ARHGAP32: variants seen among roughly 807,000 people sequenced by gnomAD.
The protein encoded by ARHGAP32 is Rho GTPase activating protein 32.
ARHGAP32 carries 51 observed loss-of-function variants against 186.5 expected under a neutral mutation model. The ratio of observed to expected loss-of-function variants is 0.27; its 90% CI spans 0.22 to 0.35. ARHGAP32 has a LOEUF of 0.35. ARHGAP32 is among the 10% of genes least tolerant of loss of function. The pLI is 1.00. For synonymous variants in ARHGAP32, 950 were observed against 964.3 expected, an observed-to-expected ratio of 0.99 and a Z score of 0.27; for missense variants, 2,186 against 2,623.5, an observed-to-expected ratio of 0.83 and a Z score of 3.64.
At chr11:129,033,129 C>A (rs1294534003) in intron 11 of ARHGAP32, among the ~76,000 whole-genome samples, 1 of 152,192 alleles carries the variant, frequency 6.6e-6, no homozygotes, top group Admixed American at 6.5e-5. Flanking sequence ...TTCATTTTTA[C>A]TGGTGTAGGG....
chr11:129,098,839 G>A (rs1443796958), intron 5 of ARHGAP32, among the ~76,000 whole-genome samples: 1 of 152,114 alleles, frequency 6.6e-6, no homozygotes, highest in Non-Finnish European at 1.5e-5. Context: ...GGAGACCATG[G>A]AGCTATTACA....
intron 2 of ARHGAP32, among the ~76,000 whole-genome samples, chr11:129,158,471 G>T (rs749847088): frequency 2.7e-5 from 4 of 146,434 alleles, no homozygotes; most frequent in African/African-American, 5.0e-5. Context: ...GATCAAAAAA[G>T]ACAAGAGCTA....
intron 5 of ARHGAP32, among the ~76,000 whole-genome samples, chr11:129,099,070 T>C (rs1440803664): frequency 6.6e-6 from 1 of 152,124 alleles, no homozygotes; most frequent in Admixed American, 6.5e-5. Flanking sequence ...AAAAAAGCTA[T>C]AAGATATAAA....
chr11:129,179,711 G>T (rs912469558), intron 1 of ARHGAP32, among the ~76,000 whole-genome samples: 1 of 150,818 alleles, frequency 6.6e-6, no homozygotes, highest in African/African-American at 2.4e-5. Context: ...ACCAAACACC[G>T]CACATTCTCA....
chr11:129,210,373 T>A lies in ARHGAP32; in HGVS notation c.-4-45946A>T, dbSNP rs1049337417. 2.6e-5 allele frequency among the ~76,000 whole-genome samples: 4 copies of A among 152,316 alleles called. No homozygotes were observed. The South Asian group carries it at 8.3e-4, about 32-fold the overall frequency. Reference sequence around the variant, plus strand: ...TTTTCACACTGTATTTCACTTTAATTCTGATAACCAGAAGAACCTAGTGAT... The same window carrying A: ...TTTTCACACTGTATTTCACTTTAATACTGATAACCAGAAGAACCTAGTGAT... On this transcript the variant is annotated intron_variant, in intron 1 of 6. Coordinates refer to the ARHGAP32 transcript ENST00000525234.
chr11:129,253,821 G>A (rs1216778054), intron 1 of ARHGAP32, among the ~76,000 whole-genome samples: 1 of 152,038 alleles, frequency 6.6e-6, no homozygotes, highest in Non-Finnish European at 1.5e-5. Flanking sequence ...ATAAAGGTCT[G>A]TTCAACAAAT....
chr11:129,240,445 T>C (rs1230758955), intron 1 of ARHGAP32, among the ~76,000 whole-genome samples: 1 of 152,166 alleles, frequency 6.6e-6, no homozygotes. Flanking sequence ...CAGCCTTCAG[T>C]AGGCCCATCT....
At chr11:129,208,595 T>A (rs1944544035) in intron 1 of ARHGAP32, among the ~76,000 whole-genome samples, 1 of 151,602 alleles carries the variant, frequency 6.6e-6, no homozygotes, top group Non-Finnish European at 1.5e-5. Context: ...AGACAATTAA[T>A]CATGCATTGC....
intron 18 of ARHGAP32, among the ~76,000 whole-genome samples, chr11:128,979,966 T>C (rs1024770394): frequency 6.6e-6 from 1 of 152,216 alleles, no homozygotes; most frequent in African/African-American, 2.4e-5. Flanking sequence ...TCTCAAGTCC[T>C]AGCAGACATC....
intron 11 of ARHGAP32, among the ~76,000 whole-genome samples, chr11:129,025,835 ATTATT>A (rs1938816809): frequency 4.0e-5 from 6 of 148,444 alleles, no homozygotes; most frequent in East Asian, 3.9e-4. Flanking sequence ...GTTAATATAT[ATTATT>A]TTATCATATT....
At chr11:128,977,198 A>G (rs1185222100) in intron 19 of ARHGAP32, among the ~76,000 whole-genome samples, 3 of 152,194 alleles carry the variant, frequency 2.0e-5, no homozygotes, top group African/African-American at 4.8e-5. Context: ...TAGAACCATG[A>G]GGGAAAAAAA....
chr11:128,978,902 T>G lies in ARHGAP32; in HGVS notation c.1990A>C (p.Asn664His), dbSNP rs1945629359. 1 of 1,605,594 alleles carries G rather than the reference T, an allele frequency of 6.2e-7. No homozygotes were observed. ...EFPLERKRPQ[N>H]KMKKSPVGSW... Reference sequence around the variant, plus strand: ...CCCACAGGAGACTTTTTCATCTTATTTTGAGGCCTCTTTCTATGAAAGAGA... The same window carrying G: ...CCCACAGGAGACTTTTTCATCTTATGTTGAGGCCTCTTTCTATGAAAGAGA... The change falls in exon 19 of 23, where the codon AAT becomes CAT. Residue 664 changes from asparagine to histidine, a missense_variant. Coordinates refer to ENST00000682385, the MANE Select transcript of ARHGAP32 (RefSeq NM_001378024.1).
At chr11:129,037,172 G>T (rs1939378542) in intron 11 of ARHGAP32, among the ~76,000 whole-genome samples, 1 of 152,144 alleles carries the variant, frequency 6.6e-6, no homozygotes, top group South Asian at 2.1e-4. Context: ...CTTATACTCT[G>T]AAAACTACAA....
In ARHGAP32 at chr11:129,161,575, A is replaced by T. The variant is rs186050257; in HGVS notation, c.225+2744T>A. The stretch of plus-strand genomic sequence containing the variant: ...CTCATCAATACTAGTCATCAGAGAC[A>T]TGCAAATCAAAACCACAATGAGATA... On this transcript the variant is annotated intron_variant, in intron 2 of 22. Coordinates refer to ENST00000682385, the MANE Select transcript of ARHGAP32 (RefSeq NM_001378024.1). Among the ~76,000 whole-genome samples the T allele has an allele frequency of 7.9e-5, 12 of 152,372 alleles. No homozygotes were observed. In the East Asian group the frequency reaches 2.3e-3, roughly 29 times the overall value.
At chr11:128,973,520 TAAA>T in intron 21 of ARHGAP32, 88 bp from the exon 22 acceptor site, 1 of 1,404,374 alleles carries the variant, frequency 7.1e-7, no homozygotes, top group Non-Finnish European at 9.7e-7. Context: ...ATGTGATCAT[TAAA>T]AAATAGGTGC....
At chr11:129,243,484 G>A (rs1188565919) in intron 1 of ARHGAP32, among the ~76,000 whole-genome samples, 1 of 152,060 alleles carries the variant, frequency 6.6e-6, no homozygotes, top group Non-Finnish European at 1.5e-5. Flanking sequence ...AATAATAAGT[G>A]GAAAAAAATA....
chr11:129,121,470 A>G (rs989982128), intron 5 of ARHGAP32, among the ~76,000 whole-genome samples: 2 of 152,086 alleles, frequency 1.3e-5, no homozygotes, highest in African/African-American at 4.8e-5. Context: ...AAAACTGGGC[A>G]GGAGAGCTGT....
intron 11 of ARHGAP32, among the ~76,000 whole-genome samples, chr11:129,039,176 C>T (rs1471950284): frequency 6.6e-6 from 1 of 152,190 alleles, no homozygotes; most frequent in Admixed American, 6.5e-5. Context: ...ACCAATGGTG[C>T]AGCTGGCAGT....
Position 128,969,621 on chromosome 11 carries a change from C to A in ARHGAP32, c.5592G>T (p.Pro1864=), listed in dbSNP as rs748172466. The change falls in exon 23 of 23, where the codon CCG becomes CCT. Residue 1864 remains proline (P), a synonymous_variant. Coordinates refer to ENST00000682385, the MANE Select transcript of ARHGAP32 (RefSeq NM_001378024.1). This position sits in a 1 kb window ranked among gnomAD's most constrained non-coding sequence, Gnocchi z 4.8. The part of the protein sequence containing the change: ...HHHGGHGSTQ[P]EKPSLPQKQS... ...GCTTCTGAGGCAGGGATGGCTTCTC[C>A]GGCTGCGTGCTACCATGGCCTCCGT... The A allele has an allele frequency of 2.5e-6, 4 of 1,613,946 alleles. No homozygotes were observed. The highest frequency in any genetic ancestry group is 3.4e-6 in the Non-Finnish European group (4 of 1,180,034).
Sources: gnomAD v4.1 joint callset for allele counts (sites outside exome capture counted in the v4.1 genomes callset) on GRCh38, gnomAD v4.1.1 for gene constraint, Gnocchi (gnomAD v3.1) non-coding constraint, MANE v1.5 for transcripts, NCBI Gene and HGNC (gene_info 2026-07-23, HGNC 2026-07-21) for gene names.